Variants in LPXN observed in about 807,000 individuals in gnomAD.
LPXN encodes leupaxin.
In LPXN, 28 loss-of-function variants were observed where a neutral mutation model predicts 45.6. The observed-to-expected ratio is 0.61, with a 90% CI of 0.45 to 0.84. The LOEUF is 0.84. Among genes scored for constraint, LPXN ranks in the 40% least tolerant of loss-of-function variants. The pLI, the probability that LPXN is intolerant of heterozygous loss-of-function variation, is 0.00. For synonymous variants in LPXN, 166 were observed against 169.9 expected, an observed-to-expected ratio of 0.98 and a Z score of 0.18; for missense variants, 459 against 475.0, an observed-to-expected ratio of 0.97 and a Z score of 0.31.
At position 58,527,699 on chromosome 11, in the gene LPXN, C is replaced by T. The variant is rs756845037; in HGVS notation, c.916G>A (p.Gly306Ser). Reference sequence around the variant, plus strand: ...CGTCCATCCAGTTCAAAGAAGGAGCCAGTAGAAAAACTGGTGAAGCAGTCC... The same window carrying T: ...CGTCCATCCAGTTCAAAGAAGGAGCTAGTAGAAAAACTGGTGAAGCAGTCC... Reference protein sequence around the residue: ...CGDCFTSFSTGSFFELDGRPF... With the variant: ...CGDCFTSFSTSSFFELDGRPF... The change falls in exon 9 of 9, where the codon GGC (glycine) becomes AGC (serine). Residue 306 changes from glycine to serine, a missense_variant. Physicochemically the swap from Gly to Ser is moderately conservative, Grantham distance 56. Transcript: ENST00000395074. 3.6e-5 allele frequency: 58 copies of T among 1,613,748 alleles called. No homozygotes were observed. The highest frequency in any genetic ancestry group is 4.7e-5 in the Non-Finnish European group (55 of 1,179,962).
At chr11:58,565,019 G>A (rs950915940) in intron 2 of LPXN, among the ~76,000 whole-genome samples, 1 of 152,116 alleles carries the variant, frequency 6.6e-6, no homozygotes, top group Non-Finnish European at 1.5e-5. Flanking sequence ...AAGGACACAG[G>A]GACAGCAAGT....
intron 7 of LPXN, among the ~76,000 whole-genome samples, chr11:58,543,948 T>A (rs1460608128): frequency 6.6e-6 from 1 of 152,168 alleles, no homozygotes; most frequent in Non-Finnish European, 1.5e-5. Flanking sequence ...ACCATATAGC[T>A]GCAGTTTTTC....
chr11:58,553,985 G>GT (rs1854126258), intron 4 of LPXN: 1 of 152,308 alleles, frequency 6.6e-6, no homozygotes, highest in Non-Finnish European at 1.5e-5. Context: ...CTTGCTCACT[G>GT]GTCTCCTCTG....
chr11:58,567,054 C>A (rs963327957), intron 2 of LPXN, among the ~76,000 whole-genome samples: 1 of 151,836 alleles, frequency 6.6e-6, no homozygotes, highest in South Asian at 2.1e-4. Flanking sequence ...TACATTTTGA[C>A]AATTTTAGTT....
At chr11:58,575,614 T>C (rs1400866752) in intron 1 of LPXN, 146 bp downstream of exon 1, 2 of 944,108 alleles carry the variant, frequency 2.1e-6, no homozygotes, top group Non-Finnish European at 3.4e-6. Context: ...CATGCTTCAC[T>C]CTTGGCAGGG....
At chr11:58,535,591 TC>T (rs1329490258) in intron 7 of LPXN, among the ~76,000 whole-genome samples, 2 of 152,136 alleles carry the variant, frequency 1.3e-5, no homozygotes. Context: ...CTGGAAGCAT[TC>T]CCTTTGAAAA....
At chr11:58,569,789 C>A (rs1854629232) in intron 2 of LPXN, among the ~76,000 whole-genome samples, 1 of 152,114 alleles carries the variant, frequency 6.6e-6, no homozygotes, top group Non-Finnish European at 1.5e-5. Flanking sequence ...AATTGAATCT[C>A]CTAATCTATT....
chr11:58,543,551 A>T (rs770320796), intron 7 of LPXN, among the ~76,000 whole-genome samples: 1 of 152,174 alleles, frequency 6.6e-6, no homozygotes, highest in Non-Finnish European at 1.5e-5. Flanking sequence ...ATTTTTTCAG[A>T]GCAAACTTCT....
At chr11:58,568,853 A>T (rs1157999176) in intron 2 of LPXN, among the ~76,000 whole-genome samples, 4 of 152,220 alleles carry the variant, frequency 2.6e-5, no homozygotes, top group African/African-American at 4.8e-5. Flanking sequence ...AAAGATCAAC[A>T]TGAAACTATG....
chr11:58,570,782 A>G lies in LPXN; in HGVS notation c.14-69T>C. 4 of 1,198,594 alleles carry G rather than the reference A, an allele frequency of 3.3e-6. No individual in the cohort carries two copies. The Admixed American group carries it at 6.6e-5, about 20-fold the overall frequency. 74.2% of individuals were successfully genotyped at this position (1,198,594 alleles called of 1,614,324 possible). On this transcript the variant is annotated intron_variant, in intron 1 of 8. Coordinates refer to ENST00000395074, the MANE Select transcript of LPXN (RefSeq NM_004811.3). ...ATCCCTACAGTCATTTTCTCCTTAA[A>G]TATCTTCACTGTGCCCACATTCATC...
intron 7 of LPXN, among the ~76,000 whole-genome samples, chr11:58,544,811 T>A (rs567398991): frequency 2.4e-4 from 36 of 152,268 alleles, no homozygotes; most frequent in African/African-American, 8.4e-4. Flanking sequence ...AGCACCTGCA[T>A]GACCTGGATA....
intron 1 of LPXN, among the ~76,000 whole-genome samples, chr11:58,571,411 A>T (rs903248269): frequency 1.3e-5 from 2 of 152,028 alleles, no homozygotes; most frequent in Non-Finnish European, 2.9e-5. Context: ...TCAGAAAAAT[A>T]GAAGCAATTA....
In LPXN at chr11:58,528,166, T is replaced by C; in HGVS notation, c.768A>G (p.Pro256=). Residue 256 remains proline (P), a synonymous_variant, in exon 8 of 9, where the codon CCA becomes CCG. Coordinates refer to ENST00000395074, the MANE Select transcript of LPXN (RefSeq NM_004811.3). ...AEGFHEKDKK[P]YCRKDFLAMF... ...TGGCTAAGAAATCCTTTCGGCAATA[T>C]GGCTTCTTGTCCTTCTCATGAAAGC... The C allele has an allele frequency of 1.9e-6, 3 of 1,614,242 alleles. No homozygotes were observed. Among genetic ancestry groups the C allele is most frequent in the Non-Finnish European group, 2.5e-6 (3 of 1,180,046 alleles).
chr11:58,564,063 C>T, intron 3 of LPXN, 92 bp downstream of exon 3: 1 of 781,892 alleles, frequency 1.3e-6, no homozygotes, highest in Non-Finnish European at 2.1e-6. Context: ...TAATAATAAA[C>T]ACTTGCAAAG....
intron 7 of LPXN, among the ~76,000 whole-genome samples, chr11:58,549,221 T>C (rs953636616): frequency 5.3e-5 from 8 of 152,034 alleles, no homozygotes; most frequent in Admixed American, 3.3e-4. Flanking sequence ...TGGTGAAACA[T>C]TGTCCCTACT....
intron 1 of LPXN, among the ~76,000 whole-genome samples, chr11:58,574,173 T>C (rs1251633628): frequency 2.0e-5 from 3 of 152,186 alleles, no homozygotes; most frequent in Non-Finnish European, 4.4e-5. Flanking sequence ...TGCACAAATA[T>C]TAGCTTCCAG....
chr11:58,563,341 A>T (rs1011054911), intron 3 of LPXN, among the ~76,000 whole-genome samples: 1 of 152,312 alleles, frequency 6.6e-6, no homozygotes, highest in Middle Eastern at 3.4e-3. Flanking sequence ...TCACCAAAGT[A>T]AAAAGCATCC....
At chr11:58,541,310 C>T (rs1292325650) in intron 7 of LPXN, among the ~76,000 whole-genome samples, 4 of 152,092 alleles carry the variant, frequency 2.6e-5, no homozygotes, top group African/African-American at 9.7e-5. Context: ...GGCTAATATC[C>T]AGAATCTACA....
chr11:58,559,636 G>A (rs1480757497), intron 3 of LPXN, among the ~76,000 whole-genome samples: 1 of 152,144 alleles, frequency 6.6e-6, no homozygotes, highest in African/African-American at 2.4e-5. Context: ...AGCACTTCAG[G>A]AGGCTGAGGT....
Sources: gnomAD v4.1 joint callset for allele counts (sites outside exome capture counted in the v4.1 genomes callset) on GRCh38, gnomAD v4.1.1 for gene constraint, MANE v1.5 for transcripts, NCBI Gene and HGNC (gene_info 2026-07-23, HGNC 2026-07-21) for gene names.